The following C8orf34 variants were observed in gnomAD, a reference collection of about 807,000 sequenced individuals.
C8orf34 encodes uncharacterized protein C8orf34.
A neutral mutation model predicts 68.3 loss-of-function variants in C8orf34; 65 were observed. That is an observed-to-expected ratio of 0.95 (90% CI 0.78 to 1.17). The LOEUF is 1.17. Ranked by LOEUF, C8orf34 falls within the 50% of genes most tolerant of loss-of-function variation. The pLI is 0.00. For synonymous variants in C8orf34, 244 were observed against 241.2 expected (o/e 1.01, Z -0.11); for missense variants, 664 against 655.4 (o/e 1.01, Z -0.14).
intron 5 of C8orf34, among the ~76,000 whole-genome samples, chr8:68,499,458 G>T (rs1001232891): frequency 6.6e-6 from 1 of 152,022 alleles, no homozygotes; most frequent in Non-Finnish European, 1.5e-5. Context: ...ATAATAATCC[G>T]TATGTCCATA....
At chr8:68,712,433 G>A (rs750232501) in intron 9 of C8orf34, among the ~76,000 whole-genome samples, 1 of 152,094 alleles carries the variant, frequency 6.6e-6, no homozygotes, top group Non-Finnish European at 1.5e-5. Context: ...AGTTTCTGCT[G>A]TCTTCAGGAG....
At chr8:68,429,291 T>C (rs374788585) in intron 1 of C8orf34, among the ~76,000 whole-genome samples, 64 of 152,274 alleles carry the variant, frequency 4.2e-4, no homozygotes, top group African/African-American at 1.5e-3. Flanking sequence ...GACCATTGAA[T>C]ATATGAAAAG....
intron 10 of C8orf34, among the ~76,000 whole-genome samples, chr8:68,761,646 A>AT (rs1336550434): frequency 6.6e-6 from 1 of 152,206 alleles, no homozygotes; most frequent in African/African-American, 2.4e-5. Context: ...ATTTGCCACC[A>AT]ACACACCAAA....
In C8orf34 at chr8:68,532,996, C is replaced by T; in HGVS notation, c.952C>T (p.Pro318Ser). The change falls in exon 7 of 14, where the codon CCT becomes TCT. Residue 318 changes from proline (P) to serine (S), a missense_variant. Transcript: ENST00000518698. The stretch of plus-strand genomic sequence containing the variant: ...ATATTTCTTCAGCTTAAAGATGGAG[C>T]CTAAGAACAAAGGATTAAAACAGCA... ...SSPAGSLKME[P>S]KNKGLKQQQQ... 6.3e-7 allele frequency: 1 copy of T among 1,591,052 alleles called. No homozygotes were observed. The highest frequency in any genetic ancestry group is 8.6e-7 in the Non-Finnish European group (1 of 1,166,874).
intron 8 of C8orf34, among the ~76,000 whole-genome samples, chr8:68,705,251 T>C (rs570117927): frequency 1.3e-5 from 2 of 152,262 alleles, no homozygotes; most frequent in African/African-American, 4.8e-5. Context: ...TCTCAACCTA[T>C]ATGAACTTAA....
At position 68,360,760 on chromosome 8, in the gene C8orf34, T is replaced by A. The variant is rs1006875229; in HGVS notation, c.327+29421T>A. Reference sequence around the variant, plus strand: ...CCCTTTTCCTTTTCTTCCTTTCTTTTTTTTTTTTTTTTTCTTGAGCCTCGC... The same window carrying A: ...CCCTTTTCCTTTTCTTCCTTTCTTTATTTTTTTTTTTTTCTTGAGCCTCGC... On this transcript the variant is annotated intron_variant, in intron 1 of 13. Coordinates refer to ENST00000518698, the MANE Select transcript of C8orf34 (RefSeq NM_052958.4). Among the ~76,000 whole-genome samples the A allele has an allele frequency of 6.0e-5, 9 of 150,096 alleles. No individual in the cohort carries two copies. In the South Asian group the frequency reaches 1.5e-3, roughly 25 times the overall value.
chr8:68,723,564 T>TTAA (rs1181535823), intron 10 of C8orf34, among the ~76,000 whole-genome samples: 1 of 152,168 alleles, frequency 6.6e-6, no homozygotes, highest in East Asian at 1.9e-4. Context: ...AGAAATGTTC[T>TTAA]GCCATTTATA....
intron 3 of C8orf34, among the ~76,000 whole-genome samples, chr8:68,452,736 G>T (rs553710818): frequency 4.5e-4 from 67 of 148,786 alleles, no homozygotes; most frequent in African/African-American, 1.5e-3. Flanking sequence ...CATTAACAGT[G>T]TCATTTTATG....
chr8:68,456,211 G>A (rs1471893028), intron 3 of C8orf34, among the ~76,000 whole-genome samples: 12 of 151,234 alleles, frequency 7.9e-5, no homozygotes, highest in African/African-American at 2.4e-4. Context: ...AGCTGAGACC[G>A]CACCACTGCA....
At position 68,815,735 on chromosome 8, in the gene C8orf34, C is replaced by G. The variant is rs1216886940; in HGVS notation, c.1550-151C>G. On this transcript the variant is annotated intron_variant, in intron 12 of 13. Coordinates refer to ENST00000518698, the MANE Select transcript of C8orf34 (RefSeq NM_052958.4). ...TACACACTTCTAAGGAGTTAAAATA[C>G]AGAATGGCAGCACAGTACATACTAT... 33 of 1,304,148 alleles carry G rather than the reference C, an allele frequency of 2.5e-5. No individual in the cohort carries two copies. In the South Asian group the frequency reaches 4.2e-4, roughly 17 times the overall value. The allele number at this position is 1,304,148 out of a possible 1,614,324, so 80.8% of individuals were successfully genotyped here.
chr8:68,747,471 T>C (rs946193068), intron 10 of C8orf34, among the ~76,000 whole-genome samples: 3 of 146,310 alleles, frequency 2.1e-5, no homozygotes, highest in Non-Finnish European at 4.6e-5. Flanking sequence ...GACATGATTG[T>C]ATATCTAGAA....
At chr8:68,710,234 CCA>C (rs1821293132) in intron 9 of C8orf34, among the ~76,000 whole-genome samples, 1 of 152,078 alleles carries the variant, frequency 6.6e-6, no homozygotes, top group Non-Finnish European at 1.5e-5. Flanking sequence ...GTGAGAGAAT[CCA>C]CAGACTATTT....
At chr8:68,581,879 T>C (rs190859650) in intron 7 of C8orf34, among the ~76,000 whole-genome samples, 1 of 152,150 alleles carries the variant, frequency 6.6e-6, no homozygotes, top group Non-Finnish European at 1.5e-5. Context: ...GAATTCTAGA[T>C]GCAAGAGAGT....
chr8:68,516,435 A>G (rs1441960913), intron 5 of C8orf34, among the ~76,000 whole-genome samples: 3 of 152,188 alleles, frequency 2.0e-5, no homozygotes, highest in Non-Finnish European at 4.4e-5. Flanking sequence ...AACTTGGAGT[A>G]TAATCAAGTG....
At chr8:68,458,741 G>A (rs1811658107) in intron 3 of C8orf34, among the ~76,000 whole-genome samples, 1 of 152,168 alleles carries the variant, frequency 6.6e-6, no homozygotes, top group African/African-American at 2.4e-5. Context: ...GCCTCGAAGT[G>A]TTTTCTGGAT....
chr8:68,790,737 A>G, intron 12 of C8orf34: 2 of 578,502 alleles, frequency 3.5e-6, no homozygotes, highest in African/African-American at 3.7e-5. Flanking sequence ...GTCTGAAGTC[A>G]CTAAACAAAT....
chr8:68,436,058 A>T (rs908324448), intron 1 of C8orf34, among the ~76,000 whole-genome samples: 1 of 152,086 alleles, frequency 6.6e-6, no homozygotes, highest in Admixed American at 6.6e-5. Flanking sequence ...AAATACAAAA[A>T]TTAGTCGTGT....
At chr8:68,646,410 A>C (rs566066011) in intron 8 of C8orf34, among the ~76,000 whole-genome samples, 16 of 152,164 alleles carry the variant, frequency 1.1e-4, no homozygotes, top group African/African-American at 3.9e-4. Context: ...TATTTTATGG[A>C]ATGATTAAAT....
chr8:68,712,070 T>C (rs1279536620), intron 9 of C8orf34, among the ~76,000 whole-genome samples: 1 of 152,170 alleles, frequency 6.6e-6, no homozygotes, highest in Non-Finnish European at 1.5e-5. Context: ...CCAAGAATGT[T>C]ATATTCAGAG....
Sources: allele counts gnomAD v4.1 joint callset (sites outside exome capture counted in the v4.1 genomes callset), GRCh38; gene constraint gnomAD v4.1.1; transcripts MANE v1.5; gene names NCBI Gene and HGNC (gene_info 2026-07-23, HGNC 2026-07-21).